The following AP1B1 variants were observed in gnomAD, a reference collection of about 807,000 sequenced individuals.
AP1B1 encodes adaptor related protein complex 1 subunit beta 1.
In AP1B1, 36 loss-of-function variants were observed where a neutral mutation model predicts 104.3. The ratio of observed to expected loss-of-function variants is 0.35; its 90% confidence interval spans 0.26 to 0.46. AP1B1 has a LOEUF of 0.46. Ranked by LOEUF, AP1B1 falls within the 20% of genes least tolerant of loss-of-function variation. AP1B1 has a pLI of 1.00. For synonymous variants in AP1B1, 504 were observed against 517.5 expected (o/e 0.97, Z 0.35); for missense variants, 901 against 1,247.9 (o/e 0.72, Z 4.19).
At chr22:29,332,987 T>TG (rs544890292) in intron 17 of AP1B1, among the ~76,000 whole-genome samples, 87 of 152,340 alleles carry the variant, frequency 5.7e-4, no homozygotes, top group Middle Eastern at 6.8e-3. Flanking sequence ...CCACAGGGCC[T>TG]GGGTGCCCAG....
chr22:29,387,095 T>A (rs944320105), intron 1 of AP1B1, among the ~76,000 whole-genome samples: 1 of 152,226 alleles, frequency 6.6e-6, no homozygotes, highest in Non-Finnish European at 1.5e-5. Context: ...TTCAAATAGT[T>A]TTCACGGATA....
rs772432076 is a variant in AP1B1, at chr22:29,339,008, T to C, written c.2145A>G (p.Ser715=). 2 of 1,614,134 alleles carry C rather than the reference T, an allele frequency of 1.2e-6. No individual in the cohort carries two copies. The highest frequency in any genetic ancestry group is 1.7e-6 in the Non-Finnish European group (2 of 1,180,020). The stretch of plus-strand genomic sequence containing the variant: ...GACTTACTGCTTTGGGGGCCACATA[T>C]GATCCTGACAGGGTGCCCACGCCAC... ...LTSGVGTLSG[S]YVAPKAVWLP... The change falls in exon 16 of 23, where the codon TCA becomes TCG. Residue 715 remains serine, a synonymous_variant. Transcript: ENST00000357586.
At chr22:29,329,306 T>G (rs2061521986) in intron 22 of AP1B1, 2 of 1,164,466 alleles carry the variant, frequency 1.7e-6, no homozygotes, top group South Asian at 5.0e-5. Context: ...CCTGGAGGGG[T>G]GCTGGGCTCA....
intron 1 of AP1B1, among the ~76,000 whole-genome samples, chr22:29,376,852 G>C (rs2148045039): frequency 6.6e-6 from 1 of 152,162 alleles, no homozygotes; most frequent in South Asian, 2.1e-4. Flanking sequence ...GAGTTCGTTA[G>C]AGATGATGAC....
intron 16 of AP1B1, among the ~76,000 whole-genome samples, chr22:29,335,763 CT>C (rs1436798017): frequency 1.3e-5 from 2 of 152,222 alleles, no homozygotes; most frequent in African/African-American, 2.4e-5. Context: ...CTCACACTGG[CT>C]GTTCCCTCTG....
rs1329893902 is a variant in AP1B1, at chr22:29,340,867, CACAGAAGTAGGGTGGAG to C, written c.1797-27_1797-11del. The C allele has an allele frequency of 6.3e-7, 1 of 1,585,082 alleles. No individual in the cohort carries two copies. The highest frequency in any genetic ancestry group is 2.3e-5 in the East Asian group (1 of 44,056). ...CTCTGCGCTCTCACTCCTGCCGGGA[CACAGAAGTAGGGTGGAG>C]GCATCAGGATGTCTCAGGAAGGTCA... is the stretch of plus-strand genomic sequence containing the variant. On this transcript the variant is annotated splice_polypyrimidine_tract_variant and intron_variant, in intron 13 of 22. Transcript: ENST00000357586.
intron 16 of AP1B1, 147 bp from the exon 17 acceptor site, chr22:29,334,557 C>G (rs745415051): frequency 1.1e-6 from 1 of 881,210 alleles, no homozygotes; most frequent in Non-Finnish European, 1.7e-6. Context: ...AGGGGATGAA[C>G]AGGTGTGTAC....
intron 16 of AP1B1, among the ~76,000 whole-genome samples, chr22:29,336,024 G>A (rs531686669): frequency 5.1e-4 from 77 of 152,280 alleles, no homozygotes; most frequent in African/African-American, 1.5e-3. Context: ...GATGCAGACC[G>A]CACTGCTCTT....
At chr22:29,335,174 T>A (rs2061620254) in intron 16 of AP1B1, among the ~76,000 whole-genome samples, 1 of 152,148 alleles carries the variant, frequency 6.6e-6, no homozygotes, top group African/African-American at 2.4e-5. Flanking sequence ...GGGGAGTGTT[T>A]GCTGAGCAAA....
chr22:29,349,518 TTG>T, intron 10 of AP1B1, 135 bp from the exon 11 acceptor site: 1 of 912,924 alleles, frequency 1.1e-6, no homozygotes, highest in Non-Finnish European at 1.6e-6. Flanking sequence ...GATCTGAGTT[TTG>T]TTTTTTTTTT....
chr22:29,341,896 T>C (rs1465710296), intron 12 of AP1B1, 136 bp from the exon 13 acceptor site: 3 of 1,048,570 alleles, frequency 2.9e-6, no homozygotes, highest in Non-Finnish European at 2.7e-6. Context: ...CCCATGAGCC[T>C]GCCCCTATAC....
chr22:29,348,945 A>G (rs547370510), intron 11 of AP1B1, among the ~76,000 whole-genome samples: 25 of 152,368 alleles, frequency 1.6e-4, no homozygotes, highest in Admixed American at 9.8e-4. Context: ...CCAAGTCAAT[A>G]TATTTCCTAT....
intron 1 of AP1B1, among the ~76,000 whole-genome samples, chr22:29,380,269 CCTT>C (rs1261930678): frequency 5.3e-5 from 8 of 152,298 alleles, no homozygotes; most frequent in African/African-American, 1.7e-4. Context: ...TTGTTCCTCT[CCTT>C]CTCCTTCAAC....
Position 29,349,354 on chromosome 22 carries a change from T to C in AP1B1, c.1301A>G (p.Glu434Gly). ...AGGCTCATCCAGGGAGTCCAGATTCTCACACAGTGTGGCAATCACACTCTC... is the reference window on the plus strand; with the variant it reads ...AGGCTCATCCAGGGAGTCCAGATTCCCACACAGTGTGGCAATCACACTCTC... ...KYESVIATLCENLDSLDEPEA... is the reference protein window; with the variant it reads ...KYESVIATLCGNLDSLDEPEA... The change falls in exon 11 of 23, where the codon GAG becomes GGG. Residue 434 changes from glutamate (E) to glycine (G), a missense_variant. Glu to Gly is a moderately conservative substitution (Grantham distance 98). Transcript: ENST00000357586. The C allele has an allele frequency of 6.2e-7, 1 of 1,613,956 alleles. No homozygotes were observed. The highest frequency in any genetic ancestry group is 8.5e-7 in the Non-Finnish European group (1 of 1,179,998).
rs1263672340 is a variant in AP1B1, at chr22:29,328,643, C to T, written c.*178G>A. The T allele has an allele frequency of 8.2e-6, 6 of 728,418 alleles. No homozygotes were observed. Among genetic ancestry groups the T allele is most frequent in the Non-Finnish European group, 1.3e-5 (6 of 453,326 alleles). The allele number at this position is 728,418 out of a possible 1,614,324, so 45.1% of individuals were successfully genotyped here. On this transcript the variant is annotated 3_prime_UTR_variant, in exon 23 of 23. Coordinates refer to ENST00000357586, the MANE Select transcript of AP1B1 (RefSeq NM_001127.4). This position sits in a 1 kb window ranked among gnomAD's most constrained non-coding sequence, Gnocchi z 4.1. ...CACGGGAGTGCACTGCGCTCTCACC[C>T]CAGGAGGGGGTGGTGCCCTACCCCA...
At chr22:29,339,693 G>A in intron 15 of AP1B1, 61 bp downstream of exon 15, 1 of 1,587,164 alleles carries the variant, frequency 6.3e-7, no homozygotes, top group Admixed American at 1.7e-5. Flanking sequence ...TTGGGATGCT[G>A]GGCCAGCGCT....
intron 4 of AP1B1, 179 bp downstream of exon 4, chr22:29,359,645 T>C: frequency 1.4e-6 from 1 of 712,554 alleles, no homozygotes; most frequent in South Asian, 2.3e-5. Context: ...GTCCTTAGCA[T>C]CTGATTTTCT....
intron 1 of AP1B1, among the ~76,000 whole-genome samples, chr22:29,373,964 G>GA (rs2062289019): frequency 7.7e-6 from 1 of 129,866 alleles, no homozygotes; most frequent in Admixed American, 7.5e-5. Flanking sequence ...TTGGGAGGCT[G>GA]AGGGGGGTGG....
rs926098509 is a variant in AP1B1 at position 29,328,662 on chromosome 22, T to C, written c.*159A>G. 2.3e-6 allele frequency: 2 copies of C among 873,960 alleles called. 1 individual carries two copies. Among genetic ancestry groups the C allele is most frequent in the Non-Finnish European group, 3.4e-6 (2 of 581,454 alleles). 54.1% of individuals were successfully genotyped at this position (873,960 alleles called of 1,614,324 possible). A position where few individuals can be genotyped will look rare whatever the true frequency, so the allele number is the denominator to read the frequency against. ...CTCACCCCAGGAGGGGGTGGTGCCC[T>C]ACCCCAGGGATCGGGTGGGTTCTGC... On this transcript the variant is annotated 3_prime_UTR_variant, in exon 23 of 23. Transcript: ENST00000357586. This position sits in a 1 kb window ranked among gnomAD's most constrained non-coding sequence, Gnocchi z 4.1.
Sources: gnomAD v4.1 joint callset for allele counts (sites outside exome capture counted in the v4.1 genomes callset) on GRCh38, gnomAD v4.1.1 for gene constraint, Gnocchi (gnomAD v3.1) non-coding constraint, MANE v1.5 for transcripts, NCBI Gene and HGNC (gene_info 2026-07-23, HGNC 2026-07-21) for gene names.